CTNNA3: variants seen among roughly 807,000 people sequenced by gnomAD.
CTNNA3 encodes the protein catenin alpha 3, also known as catenin alpha-3.
A neutral mutation model predicts 95.7 loss-of-function variants in CTNNA3; 76 were observed. The ratio of observed to expected loss-of-function variants is 0.79; its 90% CI spans 0.66 to 0.96. The LOEUF (loss-of-function observed/expected upper bound fraction) is 0.96. Ranked by LOEUF, CTNNA3 falls within the 40% of genes least tolerant of loss-of-function variation. The pLI is 0.00. For missense variants in CTNNA3, 1,191 were observed against 1,089.8 expected, an observed-to-expected ratio of 1.09 and a Z score of -1.31; for synonymous variants, 431 against 374.4, an observed-to-expected ratio of 1.15 and a Z score of -1.74.
intron 9 of CTNNA3, among the ~76,000 whole-genome samples, chr10:66,757,005 A>C (rs1249658294): frequency 6.6e-6 from 1 of 152,200 alleles, no homozygotes. Flanking sequence ...ATTTCAAAAC[A>C]AACAGGCTTT....
chr10:66,100,423 T>C (rs2081575661), intron 14 of CTNNA3, among the ~76,000 whole-genome samples: 1 of 152,198 alleles, frequency 6.6e-6, no homozygotes, highest in Admixed American at 6.5e-5. Context: ...TTGGGATTTA[T>C]GCAGAGGATA....
chr10:67,377,732 AGCATATCTAC>A (rs1484214562), intron 5 of CTNNA3, among the ~76,000 whole-genome samples: 3 of 152,188 alleles, frequency 2.0e-5, no homozygotes, highest in Non-Finnish European at 4.4e-5. Flanking sequence ...CAGGGTAATT[AGCATATCTAC>A]CATCTAAAAC....
At chr10:67,234,118 A>G (rs1273364824) in intron 5 of CTNNA3, among the ~76,000 whole-genome samples, 1 of 152,176 alleles carries the variant, frequency 6.6e-6, no homozygotes, top group Non-Finnish European at 1.5e-5. Context: ...TTCTGAAACT[A>G]TTCCAATCAA....
intron 7 of CTNNA3, among the ~76,000 whole-genome samples, chr10:66,857,721 G>A (rs61866176): frequency 0.27 from 40,242 of 151,748 alleles, 6,457 homozygotes; most frequent in Non-Finnish European, 0.38. Context: ...TCTTGTTGGC[G>A]TATAGTAATG....
chr10:66,490,213 T>C (rs1363630724), intron 11 of CTNNA3, among the ~76,000 whole-genome samples: 1 of 152,138 alleles, frequency 6.6e-6, no homozygotes, highest in Non-Finnish European at 1.5e-5. Context: ...TTTTATATTT[T>C]CTGAATTTTA....
intron 3 of CTNNA3, among the ~76,000 whole-genome samples, chr10:67,551,692 T>C (rs1489151680): frequency 3.3e-5 from 5 of 152,106 alleles, no homozygotes; most frequent in African/African-American, 7.2e-5. Flanking sequence ...CCCCTAGAGA[T>C]GTGAGCAGCG....
intron 11 of CTNNA3, among the ~76,000 whole-genome samples, chr10:66,447,560 A>C (rs1248005422): frequency 2.6e-5 from 4 of 152,032 alleles, no homozygotes; most frequent in Admixed American, 6.6e-5. Context: ...ACCTGAAAAA[A>C]ACAAGCAATG....
rs1156852151 is a variant in CTNNA3 at position 66,775,544 on chromosome 10, A to G, written c.1048-20T>C. 2 of 1,548,312 alleles carry G rather than the reference A, an allele frequency of 1.3e-6. No homozygotes were observed. Among genetic ancestry groups the G allele is most frequent in the African/African-American group, 1.4e-5 (1 of 73,096 alleles). Reference sequence around the variant, plus strand: ...TCCAGCCTGCAAAGAAGAAAAAACGACATAAGCAATGGTATCAATTAATCT... The same window carrying G: ...TCCAGCCTGCAAAGAAGAAAAAACGGCATAAGCAATGGTATCAATTAATCT... On this transcript the variant is annotated intron_variant, in intron 7 of 17. Transcript: ENST00000433211.
At chr10:66,774,307 G>C (rs1840208328) in intron 8 of CTNNA3, among the ~76,000 whole-genome samples, 1 of 152,094 alleles carries the variant, frequency 6.6e-6, no homozygotes, top group Non-Finnish European at 1.5e-5. Flanking sequence ...TCGCTCTGAG[G>C]ATATAAATTT....
At chr10:67,070,724 C>G (rs1856400915) in intron 7 of CTNNA3, among the ~76,000 whole-genome samples, 2 of 150,162 alleles carry the variant, frequency 1.3e-5, no homozygotes, top group Admixed American at 1.3e-4. Flanking sequence ...TCCAGCCTGG[C>G]AACAGAGCAA....
intron 14 of CTNNA3, among the ~76,000 whole-genome samples, chr10:66,073,520 T>A (rs1308742508): frequency 1.3e-5 from 2 of 152,146 alleles, no homozygotes; most frequent in Non-Finnish European, 2.9e-5. Flanking sequence ...AAACCATTTA[T>A]CCTCTTGATT....
At chr10:66,175,506 G>A (rs2085660488) in intron 13 of CTNNA3, among the ~76,000 whole-genome samples, 1 of 152,216 alleles carries the variant, frequency 6.6e-6, no homozygotes, top group Admixed American at 6.5e-5. Context: ...GTAAACAGTG[G>A]TGTGGGTACC....
chr10:66,433,464 C>A (rs2093313530), intron 11 of CTNNA3, among the ~76,000 whole-genome samples: 1 of 152,120 alleles, frequency 6.6e-6, no homozygotes, highest in African/African-American at 2.4e-5. Flanking sequence ...AGTGTCTGTT[C>A]ATATCCTTTG....
At chr10:66,010,661 G>A (rs889371264) in intron 15 of CTNNA3, among the ~76,000 whole-genome samples, 4 of 152,110 alleles carry the variant, frequency 2.6e-5, no homozygotes, top group African/African-American at 9.7e-5. Flanking sequence ...GGCTCCCAAG[G>A]ATCACTGAAT....
At chr10:66,769,373 A>G (rs1297619871) in intron 8 of CTNNA3, among the ~76,000 whole-genome samples, 1 of 152,184 alleles carries the variant, frequency 6.6e-6, no homozygotes, top group Non-Finnish European at 1.5e-5. Context: ...GCAAAAAACA[A>G]AGTGTAACTA....
chr10:66,493,059 T>C (rs979311824), intron 11 of CTNNA3, among the ~76,000 whole-genome samples: 1 of 152,148 alleles, frequency 6.6e-6, no homozygotes, highest in African/African-American at 2.4e-5. Flanking sequence ...AAAGCACAGA[T>C]CATATCTAGG....
chr10:66,954,598 T>A (rs1039500051), intron 7 of CTNNA3, among the ~76,000 whole-genome samples: 6 of 152,176 alleles, frequency 3.9e-5, no homozygotes, highest in African/African-American at 7.2e-5. Context: ...GTTAAAATTA[T>A]GTCAAATTGT....
intron 5 of CTNNA3, among the ~76,000 whole-genome samples, chr10:67,393,944 C>A (rs534228027): frequency 1.3e-5 from 2 of 152,240 alleles, no homozygotes; most frequent in East Asian, 3.9e-4. Flanking sequence ...TCACCCAGAT[C>A]CTTCAGCAAT....
At chr10:66,946,074 G>A (rs966740013) in intron 7 of CTNNA3, among the ~76,000 whole-genome samples, 1 of 152,156 alleles carries the variant, frequency 6.6e-6, no homozygotes, top group African/African-American at 2.4e-5. Flanking sequence ...AGCACATGCT[G>A]TTGAAAAACA....
Sources: gnomAD v4.1 joint callset for allele counts (sites outside exome capture counted in the v4.1 genomes callset) on GRCh38, gnomAD v4.1.1 for gene constraint, MANE v1.5 for transcripts, NCBI Gene and HGNC (gene_info 2026-07-23, HGNC 2026-07-21) for gene names.